Variants in MTMR12 observed in about 807,000 individuals in gnomAD.
MTMR12 encodes myotubularin-related protein 12.
In MTMR12, 33 loss-of-function variants were observed where a neutral mutation model predicts 96.7. That is an observed-to-expected ratio of 0.34 (90% CI 0.26 to 0.46). MTMR12 has a LOEUF of 0.46. MTMR12 is among the 20% of genes least tolerant of loss of function. The pLI, the probability that MTMR12 is intolerant of heterozygous loss-of-function variation, is 1.00. For synonymous variants in MTMR12, 298 were observed against 327.2 expected, an observed-to-expected ratio of 0.91 and a Z score of 0.96; for missense variants, 721 against 896.1, an observed-to-expected ratio of 0.80 and a Z score of 2.49.
Position 32,274,182 on chromosome 5 carries a change from A to G in MTMR12, c.143-60T>C, listed in dbSNP as rs1156993756. On this transcript the variant is annotated intron_variant, in intron 2 of 15. Transcript: ENST00000382142. ...CTCAGGGAACATACGATATGCAAACACTAAAGGCTTTCCAGCCCTATTTAC... is the reference window on the plus strand; with the variant it reads ...CTCAGGGAACATACGATATGCAAACGCTAAAGGCTTTCCAGCCCTATTTAC... 10 of 1,567,854 alleles carry G rather than the reference A, an allele frequency of 6.4e-6. No homozygotes were observed. The African/African-American group carries it at 1.4e-4, about 22-fold the overall frequency.
chr5:32,294,272 T>C (rs995844559), intron 1 of MTMR12, among the ~76,000 whole-genome samples: 7 of 152,150 alleles, frequency 4.6e-5, no homozygotes, highest in Non-Finnish European at 8.8e-5. Context: ...AACCACACTC[T>C]GTATATGCCT....
chr5:32,263,432 C>CTT (rs1322346251), intron 6 of MTMR12, among the ~76,000 whole-genome samples, 190 bp from the exon 7 acceptor site: 17 of 139,792 alleles, frequency 1.2e-4, no homozygotes, highest in Non-Finnish European at 1.6e-4. Flanking sequence ...GACTGAGTCT[C>CTT]TTTTTTTTTT....
At chr5:32,289,867 T>C (rs1358814978) in intron 1 of MTMR12, among the ~76,000 whole-genome samples, 6 of 152,134 alleles carry the variant, frequency 3.9e-5, no homozygotes, top group African/African-American at 7.2e-5. Context: ...TCGAAAACAG[T>C]ATCACAACCC....
At chr5:32,288,598 G>A (rs1195722152) in intron 1 of MTMR12, among the ~76,000 whole-genome samples, 1 of 152,208 alleles carries the variant, frequency 6.6e-6, no homozygotes, top group African/African-American at 2.4e-5. Flanking sequence ...ATAGGCATGG[G>A]AATGGATATT....
chr5:32,231,382 A>AAAAAAAC (rs1491189887), intron 15 of MTMR12, among the ~76,000 whole-genome samples: 71 of 124,560 alleles, frequency 5.7e-4, no homozygotes, highest in African/African-American at 2.5e-3. Flanking sequence ...TCTGGCTCGC[A>AAAAAAAC]AAAAAAAAAA....
At chr5:32,234,185 C>T (rs540188089) in intron 14 of MTMR12, among the ~76,000 whole-genome samples, 4 of 152,284 alleles carry the variant, frequency 2.6e-5, no homozygotes, top group East Asian at 1.9e-4. Flanking sequence ...TCCACAGCCT[C>T]GCGAGGCAAC....
Position 32,312,900 on chromosome 5 carries a change from G to A in MTMR12, c.-62C>T. ...AGGCGGCGGCTCGGGCTCCAGCTGG[G>A]GCAGCAGCGGCGGCCACCAGCACTA... On this transcript the variant is annotated 5_prime_UTR_variant, in exon 1 of 16. Transcript: ENST00000382142. This position sits in a 1 kb window ranked among gnomAD's most constrained non-coding sequence, Gnocchi z 5.0. The A allele has an allele frequency of 7.0e-7, 1 of 1,426,730 alleles. No homozygotes were observed. Among genetic ancestry groups the A allele is most frequent in the Admixed American group, 2.7e-5 (1 of 36,412 alleles). 88.4% of individuals were successfully genotyped at this position (1,426,730 alleles called of 1,614,324 possible). A position where few individuals can be genotyped will look rare whatever the true frequency, so the allele number is the denominator to read the frequency against.
At chr5:32,243,791 C>A (rs1229722780) in intron 10 of MTMR12, among the ~76,000 whole-genome samples, 192 bp from the exon 11 acceptor site, 1 of 152,140 alleles carries the variant, frequency 6.6e-6, no homozygotes, top group Non-Finnish European at 1.5e-5. Context: ...GAGCTGTAGG[C>A]CCCTAGAAGA....
Position 32,248,015 on chromosome 5 carries a change from C to T in MTMR12, c.1008G>A (p.Gln336=), listed in dbSNP as rs1748767446. The T allele has an allele frequency of 1.2e-6, 2 of 1,613,728 alleles. No homozygotes were observed. The highest frequency in any genetic ancestry group is 8.5e-7 in the Non-Finnish European group (1 of 1,179,832). Residue 336 remains glutamine, a synonymous_variant, in exon 10 of 16, where the codon CAG becomes CAA. Transcript: ENST00000382142. The part of the protein sequence containing the change: ...EIQTAYSKFK[Q]LFLIDNSTEF... The stretch of plus-strand genomic sequence containing the variant: ...TATTCTTCTCACCTATCAGAAATAG[C>T]TGTTTAAATTTAGAGTATGCAGTCT...
rs372498447 is a variant in MTMR12, at chr5:32,287,225, G to C, written c.82-10483C>G. On this transcript the variant is annotated intron_variant, in intron 1 of 15. Coordinates refer to ENST00000382142, the MANE Select transcript of MTMR12 (RefSeq NM_001040446.3). ...AAATATTGATCTTGGGTGTGGCTGT[G>C]AGTGTTGCCAAAGGAGATTAACATT... Among the ~76,000 whole-genome samples, 33 of 152,316 alleles carry C rather than the reference G, an allele frequency of 2.2e-4. No homozygotes were observed. In the East Asian group the frequency reaches 3.3e-3, roughly 15 times the overall value.
Position 32,229,926 on chromosome 5 carries a change from G to C in MTMR12, c.2096C>G (p.Ser699Cys). 6.2e-7 allele frequency: 1 copy of C among 1,612,882 alleles called. No homozygotes were observed. The highest frequency in any genetic ancestry group is 1.1e-5 in the South Asian group (1 of 90,874). The change falls in exon 16 of 16, where the codon TCT becomes TGT. Residue 699 changes from serine (S) to cysteine (C), a missense_variant. Ser to Cys is a moderately radical substitution (Grantham distance 112). Transcript: ENST00000382142. ...QAEAPCLLRNSARLSSLFPFA... is the reference protein window; with the variant it reads ...QAEAPCLLRNCARLSSLFPFA... ...AGGAAACAAAGACGAGAGGCGGGCA[G>C]AGTTCCTCAGCAGGCAGGGGGCCTC...
intron 1 of MTMR12, among the ~76,000 whole-genome samples, chr5:32,300,974 C>G (rs1751117997): frequency 6.6e-6 from 1 of 152,144 alleles, no homozygotes; most frequent in South Asian, 2.1e-4. Flanking sequence ...ACTCAGAAGG[C>G]TGAGGCAGGA....
chr5:32,246,712 G>A (rs1029857736), intron 10 of MTMR12, among the ~76,000 whole-genome samples: 10 of 152,134 alleles, frequency 6.6e-5, no homozygotes, highest in African/African-American at 2.2e-4. Context: ...CACTGTCCCC[G>A]TAAACGTTTT....
intron 13 of MTMR12, among the ~76,000 whole-genome samples, chr5:32,238,789 T>C (rs1312116145): frequency 6.6e-6 from 1 of 152,210 alleles, no homozygotes; most frequent in Non-Finnish European, 1.5e-5. Flanking sequence ...ACTCTGAACA[T>C]ACTTGTTAAT....
intron 6 of MTMR12, among the ~76,000 whole-genome samples, chr5:32,266,686 CAA>C (rs758052800): frequency 8.6e-6 from 1 of 116,296 alleles, no homozygotes; most frequent in Non-Finnish European, 1.8e-5. Flanking sequence ...AGAGTCGTCT[CAA>C]AAAAAAAAAA....
In MTMR12 at chr5:32,270,962, T is replaced by C. The variant is rs1307213456; in HGVS notation, c.359-15A>G. 1 of 1,598,918 alleles carries C rather than the reference T, an allele frequency of 6.3e-7. No homozygotes were observed. Among genetic ancestry groups the C allele is most frequent in the East Asian group, 2.2e-5 (1 of 44,700 alleles). ...CTCATCAAACACTACAGATCAGCAA[T>C]GAAATCAGGAAGGGAAATTATGTTA... On this transcript the variant is annotated splice_polypyrimidine_tract_variant and intron_variant, in intron 4 of 15. Coordinates refer to ENST00000382142, the MANE Select transcript of MTMR12 (RefSeq NM_001040446.3).
rs566834665 is a variant in MTMR12, at chr5:32,305,929, C to T, written c.81+6829G>A. 5.3e-5 allele frequency among the ~76,000 whole-genome samples: 8 copies of T among 151,962 alleles called. No individual in the cohort carries two copies. The South Asian group carries it at 6.3e-4, about 12-fold the overall frequency. On this transcript the variant is annotated intron_variant, in intron 1 of 15. Coordinates refer to ENST00000382142, the MANE Select transcript of MTMR12 (RefSeq NM_001040446.3). ...AAAAAAAAAAAAAAATCTGGGATAC[C>T]GCAAGTGCTGAGTAAATATGTGCTG...
At chr5:32,282,139 T>C (rs1443579256) in intron 1 of MTMR12, among the ~76,000 whole-genome samples, 1 of 151,966 alleles carries the variant, frequency 6.6e-6, no homozygotes, top group African/African-American at 2.4e-5. Flanking sequence ...TCCTGGCACT[T>C]TGGGAGGGCG....
chr5:32,228,593 TATATATATATATATC>T lies in MTMR12; in HGVS notation c.*1170_*1184del, dbSNP rs1258224365. ...TCATATATATATCATATATATGTGA[TATATATATATATATC>T]ATATATATGATATATATATATCACA... On this transcript the variant is annotated 3_prime_UTR_variant, in exon 16 of 16. Transcript: ENST00000382142. 28 of 99,114 alleles carry T rather than the reference TATATATATATATATC, an allele frequency of 2.8e-4. No individual in the cohort carries two copies. The highest frequency in any genetic ancestry group is 1.2e-3 in the African/African-American group (27 of 22,370). The allele number at this position is 99,114 out of a possible 1,614,324, so 6.1% of individuals were successfully genotyped here. A position where few individuals can be genotyped will look rare whatever the true frequency, so the allele number is the denominator to read the frequency against.
Sources: gnomAD v4.1 joint callset for allele counts (sites outside exome capture counted in the v4.1 genomes callset) on GRCh38, gnomAD v4.1.1 for gene constraint, Gnocchi (gnomAD v3.1) non-coding constraint, MANE v1.5 for transcripts, NCBI Gene and HGNC (gene_info 2026-07-23, HGNC 2026-07-21) for gene names.